Variants in GABBR1 observed in about 807,000 individuals in gnomAD.
The protein encoded by GABBR1 is GABA-B receptor, R1 subunit.
In GABBR1, 35 loss-of-function variants were observed where a neutral mutation model predicts 117.7. The ratio of observed to expected loss-of-function variants is 0.30; its 90% confidence interval spans 0.23 to 0.39. The LOEUF is 0.39. Ranked by LOEUF, GABBR1 falls within the 10% of genes least tolerant of loss-of-function variation. The probability of loss-of-function intolerance (pLI) is 1.00; values close to 1 mark genes in which losing one functional copy is unlikely to be tolerated. For missense variants in GABBR1, 709 were observed against 1,241.8 expected (o/e 0.57, Z 6.45); for synonymous variants, 442 against 486.6 (o/e 0.91, Z 1.21).
Position 29,630,655 on chromosome 6 carries a change from T to G in GABBR1, c.290-12A>C, listed in dbSNP as rs370725193. The G allele has an allele frequency of 1.9e-6, 3 of 1,596,418 alleles. No homozygotes were observed. The highest frequency in any genetic ancestry group is 1.3e-5 in the African/African-American group (1 of 74,638). ...GGAGCAGATTCGGACTGTGGAGAGA[T>G]AGGAAAATAAGAAGAGAGGCGAGTT... On this transcript the variant is annotated splice_polypyrimidine_tract_variant and intron_variant, in intron 3 of 22. Transcript: ENST00000377034. The surrounding 1 kb of genome is among the most constrained non-coding windows in gnomAD (Gnocchi z 4.9).
intron 4 of GABBR1, among the ~76,000 whole-genome samples, chr6:29,629,456 A>C (rs146163956): frequency 6.6e-6 from 1 of 152,288 alleles, no homozygotes; most frequent in African/African-American, 2.4e-5. Flanking sequence ...AATTGCTGTT[A>C]AAATCTTATT....
chr6:29,603,803 A>G (rs1303873415), intron 22 of GABBR1, 87 bp from the exon 23 acceptor site: 1 of 1,051,788 alleles, frequency 9.5e-7, no homozygotes, highest in Non-Finnish European at 1.3e-6. Flanking sequence ...GGGCACAGGG[A>G]AAGAGAGGAA....
At position 29,602,899 on chromosome 6, in the gene GABBR1, T is replaced by C. The variant is rs2127383294; in HGVS notation, c.*644A>G. 2 of 406,062 alleles carry C rather than the reference T, an allele frequency of 4.9e-6. No homozygotes were observed. The highest frequency in any genetic ancestry group is 3.6e-5 in the South Asian group (2 of 55,190). 25.2% of individuals were successfully genotyped at this position (406,062 alleles called of 1,614,324 possible). ...ATGAAGAAAGCATACGGGAAAAGCG[T>C]GTGTACACATGAGCATGTTCAGTGG... On this transcript the variant is annotated 3_prime_UTR_variant, in exon 23 of 23. Transcript: ENST00000377034.
rs1173317730 is a variant in GABBR1 at position 29,603,541 on chromosome 6, C to T, written c.*2G>A. On this transcript the variant is annotated 3_prime_UTR_variant, in exon 23 of 23. Transcript: ENST00000377034. ...ACTGGCCTGTCCTCCCTCACCCTACCCTCACTTATAAAGCAAATGCACTCG... is the reference window on the plus strand; with the variant it reads ...ACTGGCCTGTCCTCCCTCACCCTACTCTCACTTATAAAGCAAATGCACTCG... 4.5e-6 allele frequency: 7 copies of T among 1,565,176 alleles called. No homozygotes were observed. Among genetic ancestry groups the T allele is most frequent in the Non-Finnish European group, 5.2e-6 (6 of 1,155,766 alleles).
chr6:29,621,155 G>T lies in GABBR1; in HGVS notation c.1269C>A (p.Ile423=). The part of the protein sequence containing the change: ...DEMTEAVEGH[I]TTEIVMLNPA... ...GATTCAGCATGACAATCTCAGTTGT[G>T]ATGTGGCCCTCCACCGCCTCAGTCA... is the stretch of plus-strand genomic sequence containing the variant. The change falls in exon 11 of 23, where the codon ATC becomes ATA. Residue 423 remains isoleucine, a synonymous_variant. Coordinates refer to ENST00000377034, the MANE Select transcript of GABBR1 (RefSeq NM_001470.4). The surrounding 1 kb of genome is among the most constrained non-coding windows in gnomAD (Gnocchi z 5.0). 1 of 1,613,052 alleles carries T rather than the reference G, an allele frequency of 6.2e-7. No homozygotes were observed. Among genetic ancestry groups the T allele is most frequent in the South Asian group, 1.1e-5 (1 of 91,076 alleles).
intron 6 of GABBR1, chr6:29,624,263 C>T (rs1227266264): frequency 1.6e-5 from 7 of 425,692 alleles, no homozygotes; most frequent in African/African-American, 9.9e-5. Flanking sequence ...CTCCTGCACA[C>T]CCCTCCTTTG....
chr6:29,627,963 G>A lies in GABBR1; in HGVS notation c.497-317C>T, dbSNP rs1461553072. The A allele has an allele frequency of 3.0e-6, 4 of 1,341,764 alleles. No homozygotes were observed. Among genetic ancestry groups the A allele is most frequent in the Admixed American group, 8.0e-5 (2 of 24,936 alleles). 83.1% of individuals were successfully genotyped at this position (1,341,764 alleles called of 1,614,324 possible). A position where few individuals can be genotyped will look rare whatever the true frequency, so the allele number is the denominator to read the frequency against. On this transcript the variant is annotated intron_variant, in intron 5 of 22. Transcript: ENST00000377034. The surrounding 1 kb of genome is among the most constrained non-coding windows in gnomAD (Gnocchi z 4.4). ...GGAAGGTTGGCTTCCTACGGCCCCC[G>A]CGGCTCTCGCCACCGTCGCCGCCAC...
Position 29,623,175 on chromosome 6 carries a change from A to C in GABBR1, c.963+130T>G, listed in dbSNP as rs29222. The C allele has an allele frequency of 0.097, 76,106 of 782,596 alleles. 4,183 individuals carry two copies. Among genetic ancestry groups the C allele is most frequent in the Middle Eastern group, 0.16 (594 of 3,652 alleles). 48.5% of individuals were successfully genotyped at this position (782,596 alleles called of 1,614,324 possible). A position where few individuals can be genotyped will look rare whatever the true frequency, so the allele number is the denominator to read the frequency against. On this transcript the variant is annotated intron_variant, in intron 8 of 22. Transcript: ENST00000377034. This position sits in a 1 kb window ranked among gnomAD's most constrained non-coding sequence, Gnocchi z 6.2. ...CTGGCTACAGAAAGAACTGCACTTA[A>C]TCCACATGGAATGCGTTCTCTTTCA... is the stretch of plus-strand genomic sequence containing the variant.
chr6:29,632,202 G>T lies in GABBR1; in HGVS notation c.85+99C>A. 1 of 723,606 alleles carries T rather than the reference G, an allele frequency of 1.4e-6. No individual in the cohort carries two copies. Among genetic ancestry groups the T allele is most frequent in the African/African-American group, 1.9e-5 (1 of 53,446 alleles). 44.8% of individuals were successfully genotyped at this position (723,606 alleles called of 1,614,324 possible). A position where few individuals can be genotyped will look rare whatever the true frequency, so the allele number is the denominator to read the frequency against. Reference sequence around the variant, plus strand: ...AGGGGTTGCCAGACCGGGATGATATGTGGGACTGATGGGATAGTGATGAGG... The same window carrying T: ...AGGGGTTGCCAGACCGGGATGATATTTGGGACTGATGGGATAGTGATGAGG... On this transcript the variant is annotated intron_variant, in intron 2 of 22. Coordinates refer to ENST00000377034, the MANE Select transcript of GABBR1 (RefSeq NM_001470.4). The surrounding 1 kb of genome is among the most constrained non-coding windows in gnomAD (Gnocchi z 5.8).
chr6:29,608,151 C>A (rs1762147652), intron 16 of GABBR1, among the ~76,000 whole-genome samples: 1 of 152,228 alleles, frequency 6.6e-6, no homozygotes, highest in Non-Finnish European at 1.5e-5. Flanking sequence ...CCCAGAGCCC[C>A]TCCTCCCTGT....
chr6:29,625,379 G>A (rs1268695210), intron 6 of GABBR1, among the ~76,000 whole-genome samples: 1 of 152,068 alleles, frequency 6.6e-6, no homozygotes, highest in Admixed American at 6.5e-5. Flanking sequence ...GAACAATGAG[G>A]ACATACAAGA....
chr6:29,615,373 G>C (rs1310634866), intron 11 of GABBR1, among the ~76,000 whole-genome samples: 1 of 151,950 alleles, frequency 6.6e-6, no homozygotes, highest in Non-Finnish European at 1.5e-5. Context: ...CTCTTTGGGA[G>C]GCCAAGGAGG....
rs1012399958 is a variant in GABBR1 at position 29,627,321 on chromosome 6, T to A, written c.657+165A>T. 6.6e-6 allele frequency among the ~76,000 whole-genome samples: 1 copy of A among 152,052 alleles called. No individual in the cohort carries two copies. Among genetic ancestry groups the A allele is most frequent in the Admixed American group, 6.5e-5 (1 of 15,284 alleles). On this transcript the variant is annotated intron_variant, in intron 6 of 22. Coordinates refer to ENST00000377034, the MANE Select transcript of GABBR1 (RefSeq NM_001470.4). The surrounding 1 kb of genome is among the most constrained non-coding windows in gnomAD (Gnocchi z 4.4). Reference sequence around the variant, plus strand: ...ATCTTGGACCTCCAGCCCCTGCGACTCTCCCCAAGCTCCTGCACCCCCAGC... The same window carrying A: ...ATCTTGGACCTCCAGCCCCTGCGACACTCCCCAAGCTCCTGCACCCCCAGC...
In GABBR1 at chr6:29,630,728, T is replaced by C; in HGVS notation, c.290-85A>G. On this transcript the variant is annotated intron_variant, in intron 3 of 22. Transcript: ENST00000377034. This position sits in a 1 kb window ranked among gnomAD's most constrained non-coding sequence, Gnocchi z 4.9. The stretch of plus-strand genomic sequence containing the variant: ...AGAGCAGGGGACTCAGGTGCAGGTT[T>C]GGGTCCACAAGCATCCTGCTCTAAA... 8.4e-7 allele frequency: 1 copy of C among 1,184,100 alleles called. No homozygotes were observed. The highest frequency in any genetic ancestry group is 1.2e-6 in the Non-Finnish European group (1 of 834,632). 73.3% of individuals were successfully genotyped at this position (1,184,100 alleles called of 1,614,324 possible). A position where few individuals can be genotyped will look rare whatever the true frequency, so the allele number is the denominator to read the frequency against.
chr6:29,619,209 C>T (rs41291766), intron 11 of GABBR1, among the ~76,000 whole-genome samples: 8,007 of 152,294 alleles, frequency 0.053, 271 homozygotes, highest in South Asian at 0.13. Flanking sequence ...ATAAAAGCAA[C>T]TCTGCTTCTT....
At chr6:29,617,743 C>T (rs921145869) in intron 11 of GABBR1, among the ~76,000 whole-genome samples, 2 of 152,206 alleles carry the variant, frequency 1.3e-5, no homozygotes, top group Admixed American at 1.3e-4. Flanking sequence ...GGAATTACAT[C>T]AGACCCTTTC....
rs765285063 is a variant in GABBR1 at position 29,621,816 on chromosome 6, C to T, written c.1067G>A (p.Arg356His). 4 of 1,614,136 alleles carry T rather than the reference C, an allele frequency of 2.5e-6. No individual in the cohort carries two copies. The highest frequency in any genetic ancestry group is 3.3e-5 in the Admixed American group (2 of 60,030). ...TCCCACGATGATTCGGGCATCCTGG[C>T]GCTACAACAGAGAAAGAAACAGCTC... The part of the protein sequence containing the change: ...DPAVPVKNLK[R>H]QDARIIVGLF... The change falls in exon 10 of 23, where the codon CGC becomes CAC. Residue 356 changes from arginine to histidine, a missense_variant and splice_region_variant. Coordinates refer to ENST00000377034, the MANE Select transcript of GABBR1 (RefSeq NM_001470.4). The surrounding 1 kb of genome is among the most constrained non-coding windows in gnomAD (Gnocchi z 5.0).
In GABBR1 at chr6:29,627,078, G is replaced by C. The variant is rs1583013658; in HGVS notation, c.657+408C>G. ...CGCCAAGATTTTACCTTGTTACCAT[G>C]GTAAATGTAAACCCCCAATCCAGCT... On this transcript the variant is annotated intron_variant, in intron 6 of 22. Coordinates refer to ENST00000377034, the MANE Select transcript of GABBR1 (RefSeq NM_001470.4). This position sits in a 1 kb window ranked among gnomAD's most constrained non-coding sequence, Gnocchi z 4.4. Among the ~76,000 whole-genome samples the C allele has an allele frequency of 6.6e-6, 1 of 151,962 alleles. No individual in the cohort carries two copies. Among genetic ancestry groups the C allele is most frequent in the Non-Finnish European group, 1.5e-5 (1 of 67,980 alleles).
In GABBR1 at chr6:29,632,436, C is replaced by A; in HGVS notation, c.1-51G>T. Reference sequence around the variant, plus strand: ...TGGACCGAGCCCCGCCGGCGCGGCCCGCACCCGGAGACTACTCGACCTCTT... The same window carrying A: ...TGGACCGAGCCCCGCCGGCGCGGCCAGCACCCGGAGACTACTCGACCTCTT... On this transcript the variant is annotated intron_variant, in intron 1 of 22. Transcript: ENST00000377034. This position sits in a 1 kb window ranked among gnomAD's most constrained non-coding sequence, Gnocchi z 5.8. 7.7e-7 allele frequency: 1 copy of A among 1,299,148 alleles called. No individual in the cohort carries two copies. The highest frequency in any genetic ancestry group is 1.0e-6 in the Non-Finnish European group (1 of 1,003,266). 80.5% of individuals were successfully genotyped at this position (1,299,148 alleles called of 1,614,324 possible). A position where few individuals can be genotyped will look rare whatever the true frequency, so the allele number is the denominator to read the frequency against.
Sources: gnomAD v4.1 joint callset for allele counts (sites outside exome capture counted in the v4.1 genomes callset) on GRCh38, gnomAD v4.1.1 for gene constraint, Gnocchi (gnomAD v3.1) non-coding constraint, MANE v1.5 for transcripts, NCBI Gene and HGNC (gene_info 2026-07-23, HGNC 2026-07-21) for gene names.